CRISPLD2: variants seen among roughly 807,000 people sequenced by gnomAD.
CRISPLD2 encodes the protein cysteine-rich secretory protein LCCL domain-containing 2.
In CRISPLD2, 47 loss-of-function variants were observed where a neutral mutation model predicts 71.1. That is an observed-to-expected ratio of 0.66 (90% CI 0.52 to 0.84). The LOEUF (loss-of-function observed/expected upper bound fraction) is 0.84, where lower values mean the gene tolerates loss of function less well. Ranked by LOEUF, CRISPLD2 falls within the 40% of genes least tolerant of loss-of-function variation. The pLI is 0.00. For missense variants in CRISPLD2, 830 were observed against 651.1 expected (o/e 1.27, Z -2.99); for synonymous variants, 317 against 250.1 (o/e 1.27, Z -2.52).
At chr16:84,905,858 T>C (rs2071797567) in intron 14 of CRISPLD2, among the ~76,000 whole-genome samples, 1 of 151,718 alleles carries the variant, frequency 6.6e-6, no homozygotes, top group African/African-American at 2.4e-5. Flanking sequence ...TACAGGCGCC[T>C]GCCACCACAT....
At chr16:84,890,497 G>A (rs1410380596) in intron 14 of CRISPLD2, among the ~76,000 whole-genome samples, 3 of 152,176 alleles carry the variant, frequency 2.0e-5, no homozygotes, top group South Asian at 2.1e-4. Context: ...TGACTGTAGC[G>A]CGTTTCTCTT....
At chr16:84,826,329 T>C (rs1005420371) in intron 1 of CRISPLD2, among the ~76,000 whole-genome samples, 1 of 152,224 alleles carries the variant, frequency 6.6e-6, no homozygotes, top group African/African-American at 2.4e-5. Flanking sequence ...AGAAGAACAC[T>C]CAGCCCTTTG....
chr16:84,840,614 CT>C, intron 2 of CRISPLD2, among the ~76,000 whole-genome samples: 2 of 152,298 alleles, frequency 1.3e-5, no homozygotes, highest in South Asian at 4.1e-4. Flanking sequence ...TCAAGCAATT[CT>C]CCTGACTCTG....
chr16:84,855,763 C>A (rs1917222209), intron 6 of CRISPLD2, among the ~76,000 whole-genome samples: 1 of 152,172 alleles, frequency 6.6e-6, no homozygotes, highest in African/African-American at 2.4e-5. Context: ...CAAATAAAGA[C>A]AATAATAAGA....
At chr16:84,846,247 C>T in intron 3 of CRISPLD2, 1 of 203,360 alleles carries the variant, frequency 4.9e-6, no homozygotes, top group Admixed American at 5.7e-5. Flanking sequence ...CCTCCCCTCC[C>T]CTCCCCTTCC....
intron 14 of CRISPLD2, among the ~76,000 whole-genome samples, chr16:84,900,437 C>G (rs2071743258): frequency 6.6e-6 from 1 of 152,072 alleles, no homozygotes; most frequent in Non-Finnish European, 1.5e-5. Flanking sequence ...ATCTTATACT[C>G]AAACTCCTTC....
At chr16:84,867,214 T>C (rs1434787499) in intron 7 of CRISPLD2, among the ~76,000 whole-genome samples, 174 bp downstream of exon 7, 1 of 152,202 alleles carries the variant, frequency 6.6e-6, no homozygotes, top group African/African-American at 2.4e-5. Flanking sequence ...AAAAACGATA[T>C]TTTTAAGTCA....
At position 84,866,883 on chromosome 16, in the gene CRISPLD2, T is replaced by C. The variant is rs759575954; in HGVS notation, c.710-14T>C. ...CCAGTGTGTTATTTTTTTTCCTCCC[T>C]CTCCAATGTTAAGAAGAAACCTACA... On this transcript the variant is annotated splice_polypyrimidine_tract_variant and intron_variant, in intron 6 of 14. Coordinates refer to ENST00000262424, the MANE Select transcript of CRISPLD2 (RefSeq NM_031476.4). 3 of 1,605,798 alleles carry C rather than the reference T, an allele frequency of 1.9e-6. No homozygotes were observed. The Admixed American group carries it at 5.1e-5, about 27-fold the overall frequency.
At chr16:84,878,781 C>G (rs546687341) in intron 12 of CRISPLD2, among the ~76,000 whole-genome samples, 110 of 152,322 alleles carry the variant, frequency 7.2e-4, no homozygotes, top group African/African-American at 2.6e-3. Flanking sequence ...CTGGGACGTC[C>G]CCACTTTATA....
intron 1 of CRISPLD2, 125 bp from the exon 2 acceptor site, chr16:84,838,297 G>A: frequency 3.1e-6 from 2 of 638,066 alleles, no homozygotes; most frequent in South Asian, 3.8e-5. Context: ...TTTAGCTTCT[G>A]TGGGCCTCAG....
chr16:84,868,946 C>G, intron 8 of CRISPLD2, 35 bp downstream of exon 8: 1 of 1,500,878 alleles, frequency 6.7e-7, no homozygotes, highest in African/African-American at 1.4e-5. Context: ...CCACTGTAGC[C>G]TCTGAGTCTG....
chr16:84,825,809 G>GA (rs1485348265), intron 1 of CRISPLD2, among the ~76,000 whole-genome samples: 1 of 151,484 alleles, frequency 6.6e-6, no homozygotes, highest in South Asian at 2.1e-4. Flanking sequence ...AATAAAAGAA[G>GA]AAAAAAAATT....
Position 84,877,421 on chromosome 16 carries a change from C to G in CRISPLD2, c.1157-17C>G, listed in dbSNP as rs774057173. ...CGTGCTGGGACCTGACCCTTTCCCC[C>G]TTGCTCCTGTTCACAGTGCAGGATT... is the stretch of plus-strand genomic sequence containing the variant. On this transcript the variant is annotated splice_polypyrimidine_tract_variant and intron_variant, in intron 11 of 14. Coordinates refer to ENST00000262424, the MANE Select transcript of CRISPLD2 (RefSeq NM_031476.4). The G allele has an allele frequency of 1.1e-5, 18 of 1,613,086 alleles. No homozygotes were observed. Among genetic ancestry groups the G allele is most frequent in the South Asian group, 6.6e-5 (6 of 91,048 alleles).
At chr16:84,901,949 A>G (rs923084616) in intron 14 of CRISPLD2, among the ~76,000 whole-genome samples, 1 of 151,106 alleles carries the variant, frequency 6.6e-6, no homozygotes, top group Non-Finnish European at 1.5e-5. Flanking sequence ...ACCTGCTACC[A>G]CACCCAGCTA....
intron 6 of CRISPLD2, among the ~76,000 whole-genome samples, chr16:84,855,484 C>T (rs1250037874): frequency 1.3e-5 from 2 of 152,172 alleles, no homozygotes; most frequent in African/African-American, 2.4e-5. Context: ...CTAAGTCAGT[C>T]TAGTCTTTTC....
Position 84,866,893 on chromosome 16 carries a change from TAAG to T in CRISPLD2, c.712_714del. 2.5e-6 allele frequency: 4 copies of T among 1,613,088 alleles called. No homozygotes were observed. The highest frequency in any genetic ancestry group is 3.4e-6 in the Non-Finnish European group (4 of 1,179,326). On this transcript the variant is annotated splice_acceptor_variant and splice_polypyrimidine_tract_variant and intron_variant, in intron 6 of 14. Coordinates refer to ENST00000262424, the MANE Select transcript of CRISPLD2 (RefSeq NM_031476.4). LOFTEE classifies it high-confidence loss of function. ...ATTTTTTTTCCTCCCTCTCCAATGTTAAGAAGAAACCTACACTCCAAAACCTGA... is the reference window on the plus strand; with the variant it reads ...ATTTTTTTTCCTCCCTCTCCAATGTTAAGAAACCTACACTCCAAAACCTGA...
chr16:84,851,436 C>T (rs1001462806), intron 5 of CRISPLD2, among the ~76,000 whole-genome samples: 10 of 151,104 alleles, frequency 6.6e-5, no homozygotes, highest in Admixed American at 2.6e-4. Flanking sequence ...GTTCTTGCCC[C>T]GTGCCCTGTG....
chr16:84,844,727 C>T (rs1916865487), intron 2 of CRISPLD2, among the ~76,000 whole-genome samples: 1 of 152,164 alleles, frequency 6.6e-6, no homozygotes, highest in South Asian at 2.1e-4. Flanking sequence ...GCCCTTCTTG[C>T]TGTGTTGCCC....
chr16:84,865,566 G>T (rs1435120796), intron 6 of CRISPLD2, among the ~76,000 whole-genome samples: 1 of 152,096 alleles, frequency 6.6e-6, no homozygotes, highest in East Asian at 1.9e-4. Flanking sequence ...TTTGCTTGGG[G>T]AGCTTGGAGG....
Sources: allele counts gnomAD v4.1 joint callset (sites outside exome capture counted in the v4.1 genomes callset), GRCh38; gene constraint gnomAD v4.1.1; transcripts MANE v1.5; gene names NCBI Gene and HGNC (gene_info 2026-07-23, HGNC 2026-07-21).